The following RPL27A variants were observed in gnomAD, a reference collection of about 807,000 sequenced individuals.
RPL27A encodes the protein large ribosomal subunit protein uL15.
For missense variants in RPL27A, 118 were observed against 189.4 expected (o/e 0.62, Z 2.21); for synonymous variants, 69 against 68.3 (o/e 1.01, Z -0.05).
At position 8,685,661 on chromosome 11, in the gene RPL27A, T is replaced by C. The variant is rs1426796126; in HGVS notation, c.319-17T>C. On this transcript the variant is annotated splice_polypyrimidine_tract_variant and intron_variant, in intron 4 of 4. Coordinates refer to ENST00000314138, the MANE Select transcript of RPL27A (RefSeq NM_000990.5). ...CCTACTACAGTGTATTGTAAACTTTTTTCTCTGTTCTTCTAGGGCTACTAC... is the reference window on the plus strand; with the variant it reads ...CCTACTACAGTGTATTGTAAACTTTCTTCTCTGTTCTTCTAGGGCTACTAC... 1 of 1,614,048 alleles carries C rather than the reference T, an allele frequency of 6.2e-7. No individual in the cohort carries two copies. Among genetic ancestry groups the C allele is most frequent in the Non-Finnish European group, 8.5e-7 (1 of 1,179,914 alleles).
intron 4 of RPL27A, chr11:8,685,466 A>C (rs1472427973): frequency 2.8e-6 from 2 of 716,984 alleles, no homozygotes; most frequent in Non-Finnish European, 5.1e-6. Flanking sequence ...ATCCTGACAC[A>C]ACTCTTGTCC....
rs1457182721 is a variant in RPL27A, at chr11:8,687,321, G to C, written c.*1515G>C. 1 of 152,160 alleles carries C rather than the reference G, an allele frequency of 6.6e-6. No individual in the cohort carries two copies. Among genetic ancestry groups the C allele is most frequent in the African/African-American group, 2.4e-5 (1 of 41,332 alleles). 9.4% of individuals were successfully genotyped at this position (152,160 alleles called of 1,614,324 possible). ...GGCTGAGCCAGGAGAATCTCCAGGA[G>C]GCGGAGGTTGCTGTGAGCCGAGATC... On this transcript the variant is annotated 3_prime_UTR_variant, in exon 5 of 5. Coordinates refer to ENST00000314138, the MANE Select transcript of RPL27A (RefSeq NM_000990.5).
intron 4 of RPL27A, 58 bp downstream of exon 4, chr11:8,684,950 T>A: frequency 1.3e-6 from 2 of 1,508,804 alleles, no homozygotes; most frequent in Non-Finnish European, 1.8e-6. Context: ...AACTCTGGCT[T>A]AATCTAATCC....
In RPL27A at chr11:8,689,444, C is replaced by G. The variant is rs2039617859; in HGVS notation, c.*3638C>G. On this transcript the variant is annotated 3_prime_UTR_variant, in exon 5 of 5. Coordinates refer to ENST00000314138, the MANE Select transcript of RPL27A (RefSeq NM_000990.5). Reference sequence around the variant, plus strand: ...AATGAGCACGAAGTATGTTTTGGTGCAGTTTTTTGTTCAACCCAATGCGTA... The same window carrying G: ...AATGAGCACGAAGTATGTTTTGGTGGAGTTTTTTGTTCAACCCAATGCGTA... 1 of 151,414 alleles carries G rather than the reference C, an allele frequency of 6.6e-6. No homozygotes were observed. Among genetic ancestry groups the G allele is most frequent in the East Asian group, 1.9e-4 (1 of 5,168 alleles). The allele number at this position is 151,414 out of a possible 1,614,324, so 9.4% of individuals were successfully genotyped here. A position where few individuals can be genotyped will look rare whatever the true frequency, so the allele number is the denominator to read the frequency against.
intron 4 of RPL27A, 112 bp downstream of exon 4, chr11:8,685,004 AT>A: frequency 1.9e-6 from 2 of 1,051,914 alleles, no homozygotes; most frequent in Admixed American, 3.6e-5. Flanking sequence ...AGACATTGAT[AT>A]TCTTCCTGTG....
chr11:8,683,566 T>C (rs2039535641), intron 2 of RPL27A: 1 of 531,170 alleles, frequency 1.9e-6, no homozygotes, highest in Non-Finnish European at 3.4e-6. Context: ...ATCGCATTGC[T>C]GAAAACCGGC....
In RPL27A at chr11:8,686,780, C is replaced by T. The variant is rs1387776595; in HGVS notation, c.*974C>T. On this transcript the variant is annotated 3_prime_UTR_variant, in exon 5 of 5. Transcript: ENST00000314138. ...TTGCTATTGGAAAACTGATGGTGAC[C>T]AATTCATGTTTACAAATAAGATCCT... 1.3e-5 allele frequency: 2 copies of T among 151,828 alleles called. No individual in the cohort carries two copies. The highest frequency in any genetic ancestry group is 2.9e-5 in the Non-Finnish European group (2 of 67,962). The allele number at this position is 151,828 out of a possible 1,614,324, so 9.4% of individuals were successfully genotyped here. A position where few individuals can be genotyped will look rare whatever the true frequency, so the allele number is the denominator to read the frequency against.
rs1009174182 is a variant in RPL27A at position 8,683,016 on chromosome 11, G to A, written c.4-186G>A. ...TTAGGCCCGCGGTTCGGATCTCTAG[G>A]ACACGCGGGCCCCTGCGCTACCGTG... is the stretch of plus-strand genomic sequence containing the variant. On this transcript the variant is annotated intron_variant, in intron 1 of 4. Coordinates refer to ENST00000314138, the MANE Select transcript of RPL27A (RefSeq NM_000990.5). The A allele has an allele frequency of 5.7e-5, 49 of 862,926 alleles. No homozygotes were observed. The South Asian group carries it at 7.9e-4, about 14-fold the overall frequency. 53.5% of individuals were successfully genotyped at this position (862,926 alleles called of 1,614,324 possible). A position where few individuals can be genotyped will look rare whatever the true frequency, so the allele number is the denominator to read the frequency against.
At chr11:8,685,021 A>G in intron 4 of RPL27A, 129 bp downstream of exon 4, 1 of 938,714 alleles carries the variant, frequency 1.1e-6, no homozygotes, top group South Asian at 1.4e-5. Context: ...CTGTGGTAGA[A>G]TTATCATAGG....
chr11:8,684,633 T>TGGTGGTAA, intron 3 of RPL27A, 85 bp from the exon 4 acceptor site: 1 of 1,185,698 alleles, frequency 8.4e-7, no homozygotes, highest in South Asian at 1.3e-5. Flanking sequence ...TAATTTACAC[T>TGGTGGTAA]CTAATAGGGG....
At chr11:8,684,622 A>T (rs2039567357) in intron 3 of RPL27A, 96 bp from the exon 4 acceptor site, 2 of 1,088,284 alleles carry the variant, frequency 1.8e-6, no homozygotes, top group Non-Finnish European at 2.8e-6. Flanking sequence ...ACACCAGTGA[A>T]TAATTTACAC....
At chr11:8,683,370 G>A (rs1208820360) in intron 2 of RPL27A, 105 bp downstream of exon 2, 5 of 938,932 alleles carry the variant, frequency 5.3e-6, no homozygotes, top group Non-Finnish European at 6.8e-6. Flanking sequence ...ACCTTTTTGT[G>A]GTCAAGTTGC....
rs574383849 is a variant in RPL27A, at chr11:8,684,173, T to C, written c.143+92T>C. The C allele has an allele frequency of 6.2e-5, 63 of 1,022,662 alleles. 1 individual carries two copies. The African/African-American group carries it at 9.1e-4, about 15-fold the overall frequency. 63.3% of individuals were successfully genotyped at this position (1,022,662 alleles called of 1,614,324 possible). ...AAACAAAAAGTTTAGAAGCAAGCCT[T>C]GCCTATTGCTGTTTTTTACCAAGTT... On this transcript the variant is annotated intron_variant, in intron 3 of 4. Coordinates refer to ENST00000314138, the MANE Select transcript of RPL27A (RefSeq NM_000990.5).
chr11:8,684,406 A>G (rs1294785528), intron 3 of RPL27A: 4 of 718,080 alleles, frequency 5.6e-6, no homozygotes, highest in Non-Finnish European at 1.0e-5. Context: ...TTGGCTATTC[A>G]GAAGACGTTT....
rs1184861389 is a variant in RPL27A at position 8,688,465 on chromosome 11, T to A, written c.*2659T>A. 6.6e-6 allele frequency: 1 copy of A among 152,206 alleles called. No individual in the cohort carries two copies. Among genetic ancestry groups the A allele is most frequent in the Non-Finnish European group, 1.5e-5 (1 of 68,036 alleles). The allele number at this position is 152,206 out of a possible 1,614,324, so 9.4% of individuals were successfully genotyped here. A position where few individuals can be genotyped will look rare whatever the true frequency, so the allele number is the denominator to read the frequency against. ...AACAGACGAAAATAGTTTTGAGCCC[T>A]AAGTCCGCCGATTCCAGTGCTTTCT... On this transcript the variant is annotated 3_prime_UTR_variant, in exon 5 of 5. Transcript: ENST00000314138.
chr11:8,687,934 TTG>T lies in RPL27A; in HGVS notation c.*2132_*2133del, dbSNP rs2039602606. The T allele has an allele frequency of 6.6e-6, 1 of 150,432 alleles. No individual in the cohort carries two copies. Among genetic ancestry groups the T allele is most frequent in the South Asian group, 2.1e-4 (1 of 4,670 alleles). The allele number at this position is 150,432 out of a possible 1,614,324, so 9.3% of individuals were successfully genotyped here. ...CGCGCCCGGCCCAGGCACTTAATTT[TTG>T]TGTTTGACTTAGTAACTTAAGTGCA... On this transcript the variant is annotated 3_prime_UTR_variant, in exon 5 of 5. Coordinates refer to ENST00000314138, the MANE Select transcript of RPL27A (RefSeq NM_000990.5).
intron 3 of RPL27A, 66 bp from the exon 4 acceptor site, chr11:8,684,652 T>C (rs1479003112): frequency 1.4e-5 from 20 of 1,393,218 alleles, no homozygotes; most frequent in Non-Finnish European, 1.8e-5. Context: ...GGGTGGTAAC[T>C]ATAAAGATGA....
rs1233853394 is a variant in RPL27A, at chr11:8,685,809, C to T, written c.*3C>T. The T allele has an allele frequency of 6.2e-7, 1 of 1,613,476 alleles. No homozygotes were observed. The highest frequency in any genetic ancestry group is 8.5e-7 in the Non-Finnish European group (1 of 1,179,644). The stretch of plus-strand genomic sequence containing the variant: ...GGGCCTGTGTCCTGGTGGCTTGAAG[C>T]CACATGGAGGGAGTTTCATTAAATG... On this transcript the variant is annotated 3_prime_UTR_variant, in exon 5 of 5. Coordinates refer to ENST00000314138, the MANE Select transcript of RPL27A (RefSeq NM_000990.5).
chr11:8,683,340 T>C, intron 2 of RPL27A, 75 bp downstream of exon 2: 2 of 1,303,200 alleles, frequency 1.5e-6, no homozygotes, highest in East Asian at 2.3e-5. Context: ...ATCGGTAGCC[T>C]ATAAGTGGGT....
Sources: gnomAD v4.1 joint callset for allele counts on GRCh38, gnomAD v4.1.1 for gene constraint, MANE v1.5 for transcripts, NCBI Gene and HGNC (gene_info 2026-07-23, HGNC 2026-07-21) for gene names.